LRRTM4: variants seen among roughly 807,000 people sequenced by gnomAD.
The protein encoded by LRRTM4 is leucine rich repeat transmembrane neuronal 4.
LRRTM4 carries 25 observed loss-of-function variants against 47.6 expected under a neutral mutation model. The observed-to-expected ratio is 0.53, with a 90% confidence interval of 0.38 to 0.73. The LOEUF (loss-of-function observed/expected upper bound fraction) is 0.73, where lower values mean the gene tolerates loss of function less well. LRRTM4 is among the 30% of genes least tolerant of loss of function. LRRTM4 has a pLI of 0.00. For synonymous variants in LRRTM4, 311 were observed against 269.5 expected, an observed-to-expected ratio of 1.15 and a Z score of -1.51; for missense variants, 638 against 713.4, an observed-to-expected ratio of 0.89 and a Z score of 1.20.
At chr2:77,466,013 A>G (rs1044417088) in intron 3 of LRRTM4, among the ~76,000 whole-genome samples, 1 of 152,190 alleles carries the variant, frequency 6.6e-6, no homozygotes, top group Non-Finnish European at 1.5e-5. Context: ...CATAGAGCAT[A>G]ATGCTTGTCT....
At chr2:76,870,120 C>CT (rs1361474414) in intron 3 of LRRTM4, among the ~76,000 whole-genome samples, 1 of 152,130 alleles carries the variant, frequency 6.6e-6, no homozygotes, top group Non-Finnish European at 1.5e-5. Context: ...CAGGATTCTT[C>CT]TTTTATTTCT....
At chr2:77,001,726 C>T (rs1267670045) in intron 3 of LRRTM4, among the ~76,000 whole-genome samples, 3 of 152,116 alleles carry the variant, frequency 2.0e-5, no homozygotes, top group African/African-American at 7.2e-5. Flanking sequence ...CACTGAAGGA[C>T]AAAGAATTTT....
intron 3 of LRRTM4, among the ~76,000 whole-genome samples, chr2:77,480,014 A>G (rs866045653): frequency 2.6e-5 from 4 of 152,320 alleles, no homozygotes; most frequent in Middle Eastern, 6.8e-3. Context: ...CTAATTTGGC[A>G]TGTGGTGGTG....
chr2:77,396,769 G>A (rs1434350228), intron 3 of LRRTM4, among the ~76,000 whole-genome samples: 1 of 151,614 alleles, frequency 6.6e-6, no homozygotes, highest in Non-Finnish European at 1.5e-5. Context: ...CAACAACACA[G>A]ACAGCAGTAA....
chr2:76,843,184 T>C (rs77357928), intron 3 of LRRTM4, among the ~76,000 whole-genome samples: 8,466 of 152,072 alleles, frequency 0.056, 560 homozygotes, highest in African/African-American at 0.15. Flanking sequence ...AGAGAAACAA[T>C]CTACAAAGGC....
chr2:76,887,627 C>A (rs960887594), intron 3 of LRRTM4, among the ~76,000 whole-genome samples: 1 of 127,988 alleles, frequency 7.8e-6, no homozygotes, highest in African/African-American at 3.0e-5. Flanking sequence ...ATGATACACA[C>A]TGTATATGAT....
chr2:77,371,091 T>C (rs1672640619), intron 3 of LRRTM4, among the ~76,000 whole-genome samples: 1 of 151,784 alleles, frequency 6.6e-6, no homozygotes, highest in Non-Finnish European at 1.5e-5. Flanking sequence ...GGGAATGTTA[T>C]TCATCCATTA....
chr2:76,848,781 T>C (rs1671908050), intron 3 of LRRTM4, among the ~76,000 whole-genome samples: 1 of 152,180 alleles, frequency 6.6e-6, no homozygotes. Context: ...AAACCTCTGC[T>C]TAATCCAAGT....
intron 3 of LRRTM4, among the ~76,000 whole-genome samples, chr2:77,228,866 A>G (rs1019394726): frequency 1.3e-5 from 2 of 152,118 alleles, no homozygotes; most frequent in Admixed American, 6.6e-5. Context: ...ATAAGTGTGC[A>G]TGAGGGATCC....
intron 3 of LRRTM4, among the ~76,000 whole-genome samples, chr2:76,947,290 T>C (rs542376465): frequency 6.6e-6 from 1 of 151,990 alleles, no homozygotes; most frequent in South Asian, 2.1e-4. Flanking sequence ...ACTGTACCCC[T>C]GTTATTAACA....
At chr2:77,298,153 C>A (rs965154502) in intron 3 of LRRTM4, among the ~76,000 whole-genome samples, 2 of 152,194 alleles carry the variant, frequency 1.3e-5, no homozygotes, top group African/African-American at 4.8e-5. Flanking sequence ...ATGTCTGAAT[C>A]TATTATCAAA....
intron 3 of LRRTM4, among the ~76,000 whole-genome samples, chr2:77,146,896 T>C (rs563379378): frequency 2.0e-5 from 3 of 152,290 alleles, no homozygotes; most frequent in East Asian, 1.9e-4. Flanking sequence ...GAGTTATGCC[T>C]CATTTTAAAC....
chr2:77,225,654 G>A (rs1192354443), intron 3 of LRRTM4, among the ~76,000 whole-genome samples: 2 of 152,070 alleles, frequency 1.3e-5, no homozygotes, highest in Non-Finnish European at 2.9e-5. Context: ...GTTTTACACT[G>A]TATGTAAATG....
At position 77,049,120 on chromosome 2, in the gene LRRTM4, TTTTATATATATATATA is replaced by T. The variant is rs1421934103; in HGVS notation, c.1552-300220_1552-300205del. On this transcript the variant is annotated intron_variant, in intron 3 of 3. Coordinates refer to ENST00000409884, the MANE Select transcript of LRRTM4 (RefSeq NM_001134745.3). ...TTTTTTGACTAAATAATATTTCATT[TTTTATATATATATATA>T]TATATATATATATATATATATACAC... Among the ~76,000 whole-genome samples, 305 of 66,468 alleles carry T rather than the reference TTTTATATATATATATA, an allele frequency of 4.6e-3. 6 individuals are homozygous for T. The highest frequency in any genetic ancestry group is 0.029 in the African/African-American group (283 of 9,814). The allele number at this position is 66,468 out of a possible 152,430, so 43.6% of individuals were successfully genotyped here.
chr2:77,503,620 A>G (rs1678655763), intron 3 of LRRTM4, among the ~76,000 whole-genome samples: 1 of 151,542 alleles, frequency 6.6e-6, no homozygotes, highest in South Asian at 2.1e-4. Context: ...GAGATCAGAA[A>G]GAGAGGGTGA....
At chr2:77,098,507 G>C (rs776648418) in intron 3 of LRRTM4, among the ~76,000 whole-genome samples, 4 of 151,928 alleles carry the variant, frequency 2.6e-5, no homozygotes, top group Non-Finnish European at 5.9e-5. Flanking sequence ...TATAGTTGTA[G>C]TTAAAAACCT....
chr2:76,840,684 A>G (rs1671648293), intron 3 of LRRTM4, among the ~76,000 whole-genome samples: 1 of 152,202 alleles, frequency 6.6e-6, no homozygotes, highest in South Asian at 2.1e-4. Context: ...TTGTATGAAC[A>G]TAGGTAAGAA....
rs557576364 is a variant in LRRTM4, at chr2:77,094,001, CT to C, written c.1552-345086del. ...CAAATCCTATAAAACTGCCCCACCC[CT>C]ATCTCCCTTCGCTGACTCTTTTCGG... On this transcript the variant is annotated intron_variant, in intron 3 of 3. Coordinates refer to ENST00000409884, the MANE Select transcript of LRRTM4 (RefSeq NM_001134745.3). Among the ~76,000 whole-genome samples, 6 of 131,176 alleles carry C rather than the reference CT, an allele frequency of 4.6e-5. No homozygotes were observed. The South Asian group carries it at 9.6e-4, about 21-fold the overall frequency. 86.1% of individuals were successfully genotyped at this position (131,176 alleles called of 152,430 possible).
intron 3 of LRRTM4, among the ~76,000 whole-genome samples, chr2:77,161,345 C>G (rs868867005): frequency 3.7e-4 from 56 of 152,296 alleles, no homozygotes; most frequent in African/African-American, 1.1e-3. Flanking sequence ...AGCCCTAACA[C>G]AGCATCCATT....
Sources: allele counts gnomAD v4.1 joint callset (sites outside exome capture counted in the v4.1 genomes callset), GRCh38; gene constraint gnomAD v4.1.1; transcripts MANE v1.5; gene names NCBI Gene and HGNC (gene_info 2026-07-23, HGNC 2026-07-21).